Variants in BPI observed in about 807,000 individuals in gnomAD.
The protein encoded by BPI is bactericidal permeability-increasing protein.
In BPI, 48 loss-of-function variants were observed where a neutral mutation model predicts 57.6. The observed-to-expected ratio is 0.83, with a 90% CI of 0.66 to 1.06. BPI has a LOEUF of 1.06. BPI is among the 50% of genes least tolerant of loss of function. The pLI, the probability that BPI is intolerant of heterozygous loss-of-function variation, is 0.00. For missense variants in BPI, 651 were observed against 609.7 expected, an observed-to-expected ratio of 1.07 and a Z score of -0.71; for synonymous variants, 237 against 238.2, an observed-to-expected ratio of 0.99 and a Z score of 0.05.
intron 1 of BPI, 90 bp from the exon 2 acceptor site, chr20:38,307,477 A>T: frequency 1.1e-6 from 1 of 917,316 alleles, no homozygotes; most frequent in Non-Finnish European, 1.6e-6. Flanking sequence ...CATGCTACGA[A>T]CAGGGGCCCA....
At chr20:38,332,874 C>G (rs1167976106) in intron 12 of BPI, among the ~76,000 whole-genome samples, 1 of 152,184 alleles carries the variant, frequency 6.6e-6, no homozygotes. Context: ...CCACACAGAG[C>G]ACCTGCCCTG....
Position 38,335,769 on chromosome 20 carries a change from G to C in BPI, c.1413+95G>C, listed in dbSNP as rs5743544. 1,473 of 1,271,468 alleles carry C rather than the reference G, an allele frequency of 1.2e-3. 16 individuals carry two copies. The African/African-American group carries it at 0.019, about 16-fold the overall frequency. The allele number at this position is 1,271,468 out of a possible 1,614,324, so 78.8% of individuals were successfully genotyped here. On this transcript the variant is annotated intron_variant, in intron 14 of 14. Coordinates refer to ENST00000642449, the MANE Select transcript of BPI (RefSeq NM_001725.3). ...GCTTCCTGCATGCCAAGCCCTGTGT[G>C]AAGCGCCTTCTACCCTTACAACAAC...
chr20:38,307,920 A>G (rs1226550780), intron 2 of BPI, among the ~76,000 whole-genome samples: 3 of 152,204 alleles, frequency 2.0e-5, no homozygotes, highest in Non-Finnish European at 4.4e-5. Flanking sequence ...TGTCAATTAG[A>G]ATGTGCAAGT....
chr20:38,308,549 A>G (rs1392812833), intron 2 of BPI, among the ~76,000 whole-genome samples: 3 of 152,226 alleles, frequency 2.0e-5, no homozygotes, highest in Non-Finnish European at 4.4e-5. Flanking sequence ...AGAGCTATAC[A>G]GAGCTCTTCT....
At chr20:38,319,438 G>A (rs941301090) in intron 6 of BPI, among the ~76,000 whole-genome samples, 1 of 152,172 alleles carries the variant, frequency 6.6e-6, no homozygotes, top group African/African-American at 2.4e-5. Context: ...TTGGCACATA[G>A]TATATGCCCA....
intron 1 of BPI, among the ~76,000 whole-genome samples, chr20:38,304,568 A>G (rs916047832): frequency 6.6e-6 from 1 of 152,220 alleles, no homozygotes; most frequent in African/African-American, 2.4e-5. Flanking sequence ...GCACTGGTCT[A>G]GAGGACTCCA....
intron 9 of BPI, among the ~76,000 whole-genome samples, chr20:38,325,369 G>C (rs1255203075): frequency 2.6e-5 from 4 of 152,196 alleles, no homozygotes; most frequent in African/African-American, 9.7e-5. Context: ...TAGCTCTCGA[G>C]ACTGGAAGTT....
intron 6 of BPI, 102 bp downstream of exon 6, chr20:38,318,578 CT>C: frequency 1.5e-6 from 2 of 1,301,180 alleles, no homozygotes; most frequent in Non-Finnish European, 2.2e-6. Flanking sequence ...CCAGACAGCC[CT>C]GGGCCTGGGT....
chr20:38,311,727 T>C, intron 4 of BPI, 147 bp from the exon 5 acceptor site: 5 of 684,160 alleles, frequency 7.3e-6, no homozygotes, highest in Non-Finnish European at 1.3e-5. Flanking sequence ...AAGTGTCTGA[T>C]GGGGTGTGTG....
chr20:38,330,643 C>T (rs2076737646), intron 11 of BPI, among the ~76,000 whole-genome samples: 2 of 152,200 alleles, frequency 1.3e-5, no homozygotes, highest in Non-Finnish European at 2.9e-5. Flanking sequence ...AGCAGGCTGT[C>T]ACCAAGTGGT....
At chr20:38,336,759 A>T (rs928025435) in intron 14 of BPI, among the ~76,000 whole-genome samples, 3 of 152,192 alleles carry the variant, frequency 2.0e-5, no homozygotes, top group Admixed American at 6.5e-5. Context: ...GACCCATGGC[A>T]CAATTTAATT....
intron 9 of BPI, 84 bp from the exon 10 acceptor site, chr20:38,326,181 A>T: frequency 7.3e-7 from 1 of 1,371,422 alleles, no homozygotes; most frequent in Non-Finnish European, 9.9e-7. Flanking sequence ...GAAGGTATTT[A>T]AGTAGGGGCA....
intron 5 of BPI, among the ~76,000 whole-genome samples, chr20:38,316,039 G>A (rs1221973263): frequency 6.6e-6 from 1 of 151,976 alleles, no homozygotes; most frequent in Non-Finnish European, 1.5e-5. Flanking sequence ...TCACCATGTT[G>A]GCCAGGCTGG....
chr20:38,317,695 T>C (rs1340445052), intron 5 of BPI: 1 of 878,962 alleles, frequency 1.1e-6, no homozygotes, highest in Admixed American at 2.0e-5. Context: ...TTGGTGGGGG[T>C]GTGGCAAAGC....
chr20:38,304,788 G>A (rs952087331), intron 1 of BPI, among the ~76,000 whole-genome samples: 2 of 152,164 alleles, frequency 1.3e-5, no homozygotes, highest in Non-Finnish European at 2.9e-5. Context: ...AGGGGCTGGC[G>A]GCCATACTGT....
intron 7 of BPI, among the ~76,000 whole-genome samples, chr20:38,322,250 C>G (rs2076690161): frequency 6.6e-6 from 1 of 152,096 alleles, no homozygotes; most frequent in Non-Finnish European, 1.5e-5. Context: ...CTCTGTCTAT[C>G]CTTGAGTATT....
intron 14 of BPI, 79 bp from the exon 15 acceptor site, chr20:38,337,067 T>C (rs1266261922): frequency 4.8e-6 from 7 of 1,468,518 alleles, no homozygotes; most frequent in Admixed American, 2.0e-5. Flanking sequence ...AAAATGTCCT[T>C]CTTAAAACTC....
chr20:38,336,115 G>A (rs1455970873), intron 14 of BPI, among the ~76,000 whole-genome samples: 1 of 152,130 alleles, frequency 6.6e-6, no homozygotes, highest in Non-Finnish European at 1.5e-5. Flanking sequence ...TTTCGCCCAG[G>A]CTGACTTCCG....
intron 6 of BPI, among the ~76,000 whole-genome samples, chr20:38,319,458 C>T (rs549774540): frequency 5.9e-5 from 9 of 152,290 alleles, no homozygotes; most frequent in Admixed American, 1.3e-4. Context: ...ATTTAAGAGG[C>T]ATTTTCTTCC....
Sources: gnomAD v4.1 joint callset for allele counts (sites outside exome capture counted in the v4.1 genomes callset) on GRCh38, gnomAD v4.1.1 for gene constraint, MANE v1.5 for transcripts, NCBI Gene and HGNC (gene_info 2026-07-23, HGNC 2026-07-21) for gene names.